Variants in DNAH11 observed in about 807,000 individuals in gnomAD.
DNAH11 encodes axonemal beta dynein heavy chain 11.
DNAH11 carries 442 observed loss-of-function variants against 526.0 expected under a neutral mutation model. The observed-to-expected ratio is 0.84, with a 90% CI of 0.78 to 0.91. DNAH11 has a LOEUF of 0.91. Ranked by LOEUF, DNAH11 falls within the 40% of genes least tolerant of loss-of-function variation. The pLI, the probability that DNAH11 is intolerant of heterozygous loss-of-function variation, is 0.00. For synonymous variants in DNAH11, 2,461 were observed against 1,935.9 expected (o/e 1.27, Z -7.12); for missense variants, 6,989 against 5,448.7 (o/e 1.28, Z -8.90).
At chr7:21,683,747 C>A in intron 31 of DNAH11, 37 bp from the exon 32 acceptor site, 1 of 1,499,686 alleles carries the variant, frequency 6.7e-7, no homozygotes. Flanking sequence ...CCCAAACTAC[C>A]AGTGTCCTGC....
chr7:21,680,213 G>A (rs1583588225), intron 30 of DNAH11, among the ~76,000 whole-genome samples: 2 of 152,138 alleles, frequency 1.3e-5, no homozygotes, highest in East Asian at 3.8e-4. Flanking sequence ...TACAGTAGTG[G>A]ACCTGTATTT....
chr7:21,640,494 A>G (rs926163845), intron 28 of DNAH11, among the ~76,000 whole-genome samples: 1 of 152,230 alleles, frequency 6.6e-6, no homozygotes, highest in African/African-American at 2.4e-5. Context: ...TAAATCTGTG[A>G]GTAGGTAAGC....
At chr7:21,745,182 G>A (rs1227076686) in intron 51 of DNAH11, 119 bp downstream of exon 51, 1 of 1,023,326 alleles carries the variant, frequency 9.8e-7, no homozygotes, top group Non-Finnish European at 1.4e-6. Flanking sequence ...TCTGCTGTTT[G>A]ACATATAATT....
chr7:21,817,693 CTA>C (rs1328697564), intron 64 of DNAH11, among the ~76,000 whole-genome samples: 2 of 151,570 alleles, frequency 1.3e-5, no homozygotes, highest in Non-Finnish European at 2.9e-5. Context: ...ACCACCATCT[CTA>C]TTTTTTTTTG....
chr7:21,858,911 G>T (rs1782955437), intron 68 of DNAH11, among the ~76,000 whole-genome samples: 1 of 152,096 alleles, frequency 6.6e-6, no homozygotes, highest in South Asian at 2.1e-4. Flanking sequence ...TAAATATCAG[G>T]TTAGTACAGA....
intron 8 of DNAH11, among the ~76,000 whole-genome samples, chr7:21,577,274 A>G (rs916054898): frequency 5.9e-5 from 9 of 152,226 alleles, no homozygotes; most frequent in African/African-American, 2.2e-4. Flanking sequence ...ACACCATGGA[A>G]GAAACTGTGT....
Position 21,583,141 on chromosome 7 carries a change from C to A in DNAH11, c.1710+1120C>A, listed in dbSNP as rs893720149. On this transcript the variant is annotated intron_variant, in intron 9 of 81. Transcript: ENST00000409508. ...CATGTATAGCCAATATAATCCTAAGCAAAAAGAACAAAGCTGGAGGCATCA... is the reference window on the plus strand; with the variant it reads ...CATGTATAGCCAATATAATCCTAAGAAAAAAGAACAAAGCTGGAGGCATCA... 4.3e-4 allele frequency among the ~76,000 whole-genome samples: 65 copies of A among 152,048 alleles called. 1 individual carries two copies. The highest frequency in any genetic ancestry group is 2.9e-5 in the Non-Finnish European group (2 of 67,998).
intron 77 of DNAH11, among the ~76,000 whole-genome samples, chr7:21,893,796 A>G (rs78646867): frequency 0.031 from 4,665 of 152,334 alleles, 136 homozygotes; most frequent in African/African-American, 0.076. Context: ...TGGTCTAGGA[A>G]TTTTAGGATG....
intron 29 of DNAH11, among the ~76,000 whole-genome samples, chr7:21,656,706 T>A (rs1782029451): frequency 6.6e-6 from 1 of 152,236 alleles, no homozygotes; most frequent in African/African-American, 2.4e-5. Context: ...GAGAACCATT[T>A]GGGTTGGGGC....
intron 59 of DNAH11, among the ~76,000 whole-genome samples, chr7:21,786,982 C>A (rs1156676521): frequency 6.6e-6 from 1 of 152,174 alleles, no homozygotes; most frequent in Non-Finnish European, 1.5e-5. Flanking sequence ...TCAATGCCAG[C>A]AGCAGGTGGA....
chr7:21,733,953 T>G (rs538454071), intron 45 of DNAH11, among the ~76,000 whole-genome samples: 1 of 152,244 alleles, frequency 6.6e-6, no homozygotes, highest in South Asian at 2.1e-4. Context: ...TAAAGGAGTT[T>G]TGGGAACATT....
At chr7:21,879,027 CATGGGTGAA>C (rs1442060122) in intron 74 of DNAH11, among the ~76,000 whole-genome samples, 1 of 152,138 alleles carries the variant, frequency 6.6e-6, no homozygotes, top group African/African-American at 2.4e-5. Flanking sequence ...CAAATCTGAA[CATGGGTGAA>C]ATATGACTTT....
chr7:21,711,170 C>G (rs964116388), intron 41 of DNAH11, among the ~76,000 whole-genome samples: 2 of 152,098 alleles, frequency 1.3e-5, no homozygotes, highest in African/African-American at 4.8e-5. Context: ...CAAAAGGTGA[C>G]GGTACAGGTC....
chr7:21,828,868 AG>A (rs2128007347), intron 65 of DNAH11, among the ~76,000 whole-genome samples: 1 of 151,632 alleles, frequency 6.6e-6, no homozygotes, highest in Admixed American at 6.6e-5. Context: ...TTATCTTAGA[AG>A]GGCGTGTTGG....
chr7:21,807,732 A>G lies in DNAH11; in HGVS notation c.10166-151A>G, dbSNP rs6969725. 6.4e-4 allele frequency: 373 copies of G among 585,320 alleles called. 1 individual carries two copies. Among genetic ancestry groups the G allele is most frequent in the African/African-American group, 6.3e-3 (336 of 53,470 alleles). 36.3% of individuals were successfully genotyped at this position (585,320 alleles called of 1,614,324 possible). ...ATGATGGATTTCAAACACATGAAAG[A>G]TTATAACAGTCACACCAACCCGTTA... is the stretch of plus-strand genomic sequence containing the variant. On this transcript the variant is annotated intron_variant, in intron 62 of 81. Coordinates refer to ENST00000409508, the MANE Select transcript of DNAH11 (RefSeq NM_001277115.2).
Position 21,638,964 on chromosome 7 carries a change from G to C in DNAH11, c.4843G>C (p.Ala1615Pro). 6.2e-7 allele frequency: 1 copy of C among 1,611,420 alleles called. No individual in the cohort carries two copies. Among genetic ancestry groups the C allele is most frequent in the African/African-American group, 1.3e-5 (1 of 74,834 alleles). ...GCTTTCTCTTTGTGAAAAAGCTCTC[G>C]CTGAATACCTGGAAACCAAGCGCAT... ...SRLSLCEKAL[A>P]EYLETKRIAF... Residue 1615 changes from alanine to proline, a missense_variant, in exon 28 of 82, where the codon GCT (alanine) becomes CCT (proline). Physicochemically the swap from Ala to Pro is conservative, Grantham distance 27. Coordinates refer to ENST00000409508, the MANE Select transcript of DNAH11 (RefSeq NM_001277115.2).
In DNAH11 at chr7:21,773,879, G is replaced by A; in HGVS notation, c.9216G>A (p.Lys3072=). ...GAAGACACAACTATACCACCCCAAA[G>A]AGTTTTCTAGAACAAATATCACTGT... ...NERRHNYTTP[K]SFLEQISLFK... is the part of the protein sequence containing the mutation. The change falls in exon 56 of 82, where the codon AAG becomes AAA. Residue 3072 remains lysine (K), a synonymous_variant. Coordinates refer to ENST00000409508, the MANE Select transcript of DNAH11 (RefSeq NM_001277115.2). The A allele has an allele frequency of 6.2e-7, 1 of 1,605,346 alleles. No individual in the cohort carries two copies. The highest frequency in any genetic ancestry group is 8.5e-7 in the Non-Finnish European group (1 of 1,175,782).
intron 25 of DNAH11, among the ~76,000 whole-genome samples, chr7:21,627,985 T>C (rs937876151): frequency 6.6e-6 from 1 of 152,168 alleles, no homozygotes; most frequent in Non-Finnish European, 1.5e-5. Flanking sequence ...ATAGAAACTT[T>C]CACTTTTCAT....
chr7:21,807,762 C>T, intron 62 of DNAH11, 121 bp from the exon 63 acceptor site: 1 of 857,126 alleles, frequency 1.2e-6, no homozygotes, highest in Non-Finnish European at 1.7e-6. Flanking sequence ...CCGTTACACT[C>T]TGTTCCTTAT....
Sources: gnomAD v4.1 joint callset for allele counts (sites outside exome capture counted in the v4.1 genomes callset) on GRCh38, gnomAD v4.1.1 for gene constraint, MANE v1.5 for transcripts, NCBI Gene and HGNC (gene_info 2026-07-23, HGNC 2026-07-21) for gene names.